Variants in GRID2 observed in about 807,000 individuals in gnomAD.
GRID2 encodes glutamate receptor ionotropic, delta-2.
GRID2 carries 33 observed loss-of-function variants against 114.8 expected under a neutral mutation model. The ratio of observed to expected loss-of-function variants is 0.29; its 90% CI spans 0.22 to 0.38. The LOEUF (loss-of-function observed/expected upper bound fraction) is 0.38. Among genes scored for constraint, GRID2 ranks in the 10% least tolerant of loss-of-function variants. The pLI is 1.00. For missense variants in GRID2, 1,184 were observed against 1,257.7 expected (o/e 0.94, Z 0.89); for synonymous variants, 505 against 449.9 (o/e 1.12, Z -1.55).
intron 2 of GRID2, among the ~76,000 whole-genome samples, chr4:92,744,206 C>T (rs1737033861): frequency 6.6e-6 from 1 of 152,006 alleles, no homozygotes; most frequent in Non-Finnish European, 1.5e-5. Context: ...TTAAGATATT[C>T]AGAGGGGCCA....
intron 1 of GRID2, among the ~76,000 whole-genome samples, chr4:92,422,844 A>G (rs893760588): frequency 6.6e-6 from 1 of 152,166 alleles, no homozygotes; most frequent in Non-Finnish European, 1.5e-5. Context: ...TTGTTTTGGG[A>G]AAGAACTGTT....
rs900181333 is a variant in GRID2, at chr4:92,760,256, A to G, written c.244+169970A>G. Among the ~76,000 whole-genome samples, 12 of 150,958 alleles carry G rather than the reference A, an allele frequency of 7.9e-5. No homozygotes were observed. In the East Asian group the frequency reaches 2.2e-3, roughly 27 times the overall value. Reference sequence around the variant, plus strand: ...CTGTCTCAAAAAAAAAAAAAAAAAAAAAAAAGAAAAGAAATATTTGAAGAA... The same window carrying G: ...CTGTCTCAAAAAAAAAAAAAAAAAAGAAAAAGAAAAGAAATATTTGAAGAA... On this transcript the variant is annotated intron_variant, in intron 2 of 15. Coordinates refer to ENST00000282020, the MANE Select transcript of GRID2 (RefSeq NM_001510.4).
At chr4:92,306,041 G>T (rs143579703) in intron 1 of GRID2, among the ~76,000 whole-genome samples, 1 of 152,118 alleles carries the variant, frequency 6.6e-6, no homozygotes, top group South Asian at 2.1e-4. Context: ...ATACACACAC[G>T]CACGTACACA....
At chr4:92,422,355 T>C (rs1392155335) in intron 1 of GRID2, among the ~76,000 whole-genome samples, 3 of 152,130 alleles carry the variant, frequency 2.0e-5, no homozygotes, top group Non-Finnish European at 2.9e-5. Flanking sequence ...CAGTGTATGA[T>C]AGGAGTCCAC....
At chr4:92,458,252 C>G (rs992243814) in intron 1 of GRID2, among the ~76,000 whole-genome samples, 1 of 152,080 alleles carries the variant, frequency 6.6e-6, no homozygotes, top group Admixed American at 6.6e-5. Flanking sequence ...ACGGTGAGAA[C>G]AAAAAGAGAC....
chr4:92,732,914 G>T (rs1223750746), intron 2 of GRID2, among the ~76,000 whole-genome samples: 1 of 152,048 alleles, frequency 6.6e-6, no homozygotes, highest in Non-Finnish European at 1.5e-5. Flanking sequence ...GTAAGGCCTA[G>T]TACAGTGACT....
chr4:92,806,304 C>A (rs540406754), intron 2 of GRID2, among the ~76,000 whole-genome samples: 27 of 151,746 alleles, frequency 1.8e-4, no homozygotes, highest in Non-Finnish European at 2.1e-4. Context: ...CTATCTCTTA[C>A]ACAAAGAATT....
At chr4:93,141,593 A>T (rs1434458757) in intron 4 of GRID2, among the ~76,000 whole-genome samples, 1 of 152,238 alleles carries the variant, frequency 6.6e-6, no homozygotes, top group African/African-American at 2.4e-5. Flanking sequence ...TGTTGAAATG[A>T]TTACAAAAAT....
intron 14 of GRID2, among the ~76,000 whole-genome samples, chr4:93,645,760 C>A (rs749042218): frequency 1.3e-5 from 2 of 152,168 alleles, no homozygotes; most frequent in African/African-American, 2.4e-5. Flanking sequence ...CATGTTTTAT[C>A]TTCCCTGTAC....
chr4:92,490,585 A>AT (rs1560666948), intron 1 of GRID2, among the ~76,000 whole-genome samples: 1 of 152,186 alleles, frequency 6.6e-6, no homozygotes, highest in Admixed American at 6.5e-5. Flanking sequence ...ATTAGACACT[A>AT]TAACTCTATC....
chr4:92,678,144 C>A (rs1251631440), intron 2 of GRID2, among the ~76,000 whole-genome samples: 1 of 151,886 alleles, frequency 6.6e-6, no homozygotes, highest in African/African-American at 2.4e-5. Context: ...CAAATTTTAC[C>A]TTTTTAATTA....
intron 2 of GRID2, among the ~76,000 whole-genome samples, chr4:92,770,092 T>A (rs1738467076): frequency 6.6e-6 from 1 of 152,212 alleles, no homozygotes; most frequent in South Asian, 2.1e-4. Context: ...TCAAGTCACC[T>A]CTTGAATGCT....
chr4:93,700,305 C>T (rs1727397006), intron 14 of GRID2, among the ~76,000 whole-genome samples: 1 of 152,028 alleles, frequency 6.6e-6, no homozygotes, highest in Non-Finnish European at 1.5e-5. Flanking sequence ...ATAAATAAAA[C>T]CTGTCCCAAC....
intron 1 of GRID2, among the ~76,000 whole-genome samples, chr4:92,419,969 T>G (rs182451087): frequency 1.5e-4 from 23 of 152,242 alleles, no homozygotes; most frequent in Non-Finnish European, 2.2e-4. Context: ...TCAAAGTTTC[T>G]TAGTCATTAT....
chr4:93,806,180 A>G (rs1735025433), intron 1 of GRID2, among the ~76,000 whole-genome samples: 1 of 152,254 alleles, frequency 6.6e-6, no homozygotes, highest in Non-Finnish European at 1.5e-5. Context: ...ATTTGTGATT[A>G]TAAACATAGT....
At position 93,217,153 on chromosome 4, in the gene GRID2, C is replaced by G. The variant is rs562585821; in HGVS notation, c.963+242C>G. ...AAATATAATAAGTAAAGGTTATTTT[C>G]TTCTAAACAAGTAGGTCCATAACAT... is the stretch of plus-strand genomic sequence containing the variant. On this transcript the variant is annotated intron_variant, in intron 6 of 15. Transcript: ENST00000282020. 11 of 305,212 alleles carry G rather than the reference C, an allele frequency of 3.6e-5. No homozygotes were observed. In the South Asian group the frequency reaches 8.4e-4, roughly 23 times the overall value. 18.9% of individuals were successfully genotyped at this position (305,212 alleles called of 1,614,324 possible).
intron 10 of GRID2, among the ~76,000 whole-genome samples, chr4:93,441,429 A>G (rs757080455): frequency 6.6e-6 from 1 of 152,070 alleles, no homozygotes; most frequent in African/African-American, 2.4e-5. Flanking sequence ...AGAGAATAAT[A>G]AAAATTTATT....
chr4:93,151,031 A>T (rs1455101593), intron 4 of GRID2, among the ~76,000 whole-genome samples: 1 of 146,594 alleles, frequency 6.8e-6, no homozygotes, highest in Non-Finnish European at 1.5e-5. Flanking sequence ...TGGGAGGCTG[A>T]GGCGGGAGAA....
At chr4:93,044,128 C>T (rs533114116) in intron 2 of GRID2, among the ~76,000 whole-genome samples, 19 of 152,172 alleles carry the variant, frequency 1.2e-4, no homozygotes, top group Non-Finnish European at 2.4e-4. Context: ...ACAAACCTCA[C>T]TCATCAAGAC....
Sources: allele counts gnomAD v4.1 joint callset (sites outside exome capture counted in the v4.1 genomes callset), GRCh38; gene constraint gnomAD v4.1.1; transcripts MANE v1.5; gene names NCBI Gene and HGNC (gene_info 2026-07-23, HGNC 2026-07-21).